The following LIAT1 variants were observed in gnomAD, a reference collection of about 807,000 sequenced individuals.
The protein encoded by LIAT1 is ligand of ATE1.
At chr17:413,001 G>C in the LIAT1 span, 1 of 781,782 alleles carries the variant, frequency 1.3e-6, no homozygotes. Context: ...AGGCAGGTGG[G>C]CACGAGGCTG....
chr17:410,660 C>G, the LIAT1 span: 3 of 1,536,852 alleles, frequency 2.0e-6, no homozygotes, highest in African/African-American at 4.1e-5. Context: ...AGAGGAGCAG[C>G]TAGCCCGGCT....
At chr17:414,264 C>T in the LIAT1 span, 4 of 1,003,000 alleles carry the variant, frequency 4.0e-6, no homozygotes, top group Non-Finnish European at 4.4e-6. The surrounding 1 kb of genome is among the most constrained non-coding windows in gnomAD (Gnocchi z 4.1). Context: ...CATCACCAAG[C>T]TGCCCTCGGT....
At chr17:410,710 C>A in the LIAT1 span, 1 of 1,429,824 alleles carries the variant, frequency 7.0e-7, no homozygotes, top group Non-Finnish European at 9.5e-7. Flanking sequence ...TGGGGACCCA[C>A]CCCCCATTTA....
At chr17:410,704 G>C in the LIAT1 span, 1 of 1,470,736 alleles carries the variant, frequency 6.8e-7, no homozygotes, top group South Asian at 1.2e-5. Flanking sequence ...ACTCTTTGGG[G>C]ACCCACCCCC....
the LIAT1 span, among the ~76,000 whole-genome samples, chr17:412,933 G>C: frequency 6.6e-6 from 1 of 152,222 alleles, no homozygotes; most frequent in South Asian, 2.1e-4. Context: ...GCCTGGCTCA[G>C]ACTGTGTGCT....
At chr17:411,074 C>T in the LIAT1 span, among the ~76,000 whole-genome samples, 4 of 152,238 alleles carry the variant, frequency 2.6e-5, no homozygotes. Flanking sequence ...GGGCAGACTC[C>T]TGCCTCCCCT....
chr17:410,751 T>A, the LIAT1 span: 11 of 1,114,308 alleles, frequency 9.9e-6, no homozygotes, highest in Admixed American at 2.7e-4. Flanking sequence ...AGCTCAGTGG[T>A]CCCGGACCGA....
the LIAT1 span, chr17:410,714 C>T: frequency 2.1e-6 from 3 of 1,425,922 alleles, no homozygotes; most frequent in Admixed American, 2.1e-5. Flanking sequence ...GACCCACCCC[C>T]CATTTACCCT....
chr17:410,396 C>A, the LIAT1 span: 3 of 1,524,164 alleles, frequency 2.0e-6, no homozygotes, highest in East Asian at 2.5e-5. Flanking sequence ...GCCGATTAGT[C>A]GGCATCGGGC....
At chr17:410,740 A>C in the LIAT1 span, 6 of 1,226,374 alleles carry the variant, frequency 4.9e-6, no homozygotes, top group Admixed American at 4.6e-5. Context: ...CCGGAAACAG[A>C]AGCTCAGTGG....
chr17:412,980 C>A, the LIAT1 span: 1 of 691,240 alleles, frequency 1.4e-6, no homozygotes, highest in Non-Finnish European at 2.4e-6. Flanking sequence ...ATGATTTCAG[C>A]AAAATCACAC....
At chr17:410,391 T>C in the LIAT1 span, 410,957 of 1,522,348 alleles carry the variant, frequency 0.27, 60,151 homozygotes, top group African/African-American at 0.57. Flanking sequence ...GAGTCGCCGA[T>C]TAGTCGGCAT....
the LIAT1 span, among the ~76,000 whole-genome samples, chr17:411,534 C>T: frequency 0.88 from 134,465 of 152,162 alleles, 59,744 homozygotes; most frequent in East Asian, 1. Context: ...CCCTGTCTCT[C>T]AAAAAAACAA....
chr17:410,410 G>C, the LIAT1 span: 1 of 1,530,820 alleles, frequency 6.5e-7, no homozygotes, highest in Non-Finnish European at 8.7e-7. Flanking sequence ...ATCGGGCCTC[G>C]GGCGCCCCCG....
chr17:413,173 G>A, the LIAT1 span: 1 of 1,614,156 alleles, frequency 6.2e-7, no homozygotes. Flanking sequence ...AGAGCCTGAA[G>A]AGCCAGCCGC....
At chr17:413,474 G>A in the LIAT1 span, 118 of 1,559,144 alleles carry the variant, frequency 7.6e-5, no homozygotes, top group Non-Finnish European at 1.0e-4. Flanking sequence ...CGACCCCGAG[G>A]CCCTCAAGGG....
At chr17:410,501 C>A in the LIAT1 span, 2 of 1,544,510 alleles carry the variant, frequency 1.3e-6, no homozygotes, top group Non-Finnish European at 1.7e-6. Context: ...ACAACGACGG[C>A]GAGGAGGAGG....
chr17:410,400 ATCGGGCC>A, the LIAT1 span: 1 of 1,529,148 alleles, frequency 6.5e-7, no homozygotes, highest in Non-Finnish European at 8.7e-7. Context: ...ATTAGTCGGC[ATCGGGCC>A]TCGGGCGCCC....
chr17:413,591 G>A, the LIAT1 span: 1,510 of 1,425,602 alleles, frequency 1.1e-3, 177 homozygotes, highest in African/African-American at 3.3e-3. Context: ...CCCCGACCCC[G>A]AGGCTCTCAA....
Sources: gnomAD v4.1 joint callset for allele counts (sites outside exome capture counted in the v4.1 genomes callset) on GRCh38, gnomAD v4.1.1 for gene constraint, Gnocchi (gnomAD v3.1) non-coding constraint, MANE v1.5 for transcripts, NCBI Gene and HGNC (gene_info 2026-07-23, HGNC 2026-07-21) for gene names.